Variants in CATSPERB observed in about 807,000 individuals in gnomAD.
The protein encoded by CATSPERB is catsper channel auxiliary subunit beta.
Under a neutral mutation model 128.3 loss-of-function variants are expected in CATSPERB, and 93 were observed. The ratio of observed to expected loss-of-function variants is 0.72; its 90% confidence interval spans 0.61 to 0.86. The LOEUF (loss-of-function observed/expected upper bound fraction) is 0.86. Ranked by LOEUF, CATSPERB falls within the 40% of genes least tolerant of loss-of-function variation. The pLI is 0.00. For missense variants in CATSPERB, 1,153 were observed against 1,329.5 expected (o/e 0.87, Z 2.06); for synonymous variants, 381 against 448.8 (o/e 0.85, Z 1.91).
At chr14:91,656,188 A>C (rs925871891) in intron 15 of CATSPERB, among the ~76,000 whole-genome samples, 1 of 152,176 alleles carries the variant, frequency 6.6e-6, no homozygotes, top group African/African-American at 2.4e-5. Context: ...GCTAAAGGGA[A>C]TACTTCAAGC....
chr14:91,698,613 G>A (rs1222286501), intron 7 of CATSPERB, among the ~76,000 whole-genome samples: 1 of 152,098 alleles, frequency 6.6e-6, no homozygotes, highest in Non-Finnish European at 1.5e-5. Context: ...GGGATGTTAG[G>A]TTTTATCAAA....
At chr14:91,645,773 A>T (rs1479991267) in intron 15 of CATSPERB, among the ~76,000 whole-genome samples, 2 of 146,870 alleles carry the variant, frequency 1.4e-5, no homozygotes, top group African/African-American at 2.5e-5. Flanking sequence ...TTACCTAAGC[A>T]AGCCTGGGCA....
rs962458942 is a variant in CATSPERB, at chr14:91,725,129, A to T, written c.119T>A (p.Phe40Tyr). The change falls in exon 3 of 27, where the codon TTC becomes TAC. Residue 40 changes from phenylalanine to tyrosine, a missense_variant. Phe to Tyr is a conservative substitution (Grantham distance 22). Coordinates refer to ENST00000256343, the MANE Select transcript of CATSPERB (RefSeq NM_024764.4). Reference protein sequence around the residue: ...EKRFACSNKGFPQENEIIKLY... With the variant: ...EKRFACSNKGYPQENEIIKLY... Reference sequence around the variant, plus strand: ...CTTGATTATTTCATTCTCTTGAGGGAACCCTTTGTTAGAACATGCAAAGCG... The same window carrying T: ...CTTGATTATTTCATTCTCTTGAGGGTACCCTTTGTTAGAACATGCAAAGCG... The T allele has an allele frequency of 6.3e-7, 1 of 1,580,868 alleles. No homozygotes were observed. The highest frequency in any genetic ancestry group is 1.8e-5 in the Admixed American group (1 of 55,154).
At chr14:91,622,380 A>G (rs543708568) in intron 18 of CATSPERB, among the ~76,000 whole-genome samples, 2 of 152,334 alleles carry the variant, frequency 1.3e-5, no homozygotes, top group South Asian at 4.1e-4. Flanking sequence ...TGAGTATTTA[A>G]GGAGAATATG....
chr14:91,635,582 T>A (rs1191918852), intron 17 of CATSPERB: 1 of 152,206 alleles, frequency 6.6e-6, no homozygotes. Flanking sequence ...GGTCTCCAAC[T>A]CCTGGTCTCA....
chr14:91,726,348 G>T (rs1206188637), intron 2 of CATSPERB, among the ~76,000 whole-genome samples: 1 of 152,188 alleles, frequency 6.6e-6, no homozygotes, highest in East Asian at 1.9e-4. Flanking sequence ...TCCGGCTCCT[G>T]CACCTGCCCA....
At chr14:91,657,450 T>C in intron 15 of CATSPERB, among the ~76,000 whole-genome samples, 1 of 152,078 alleles carries the variant, frequency 6.6e-6, no homozygotes. Context: ...ATCCACGACA[T>C]TAATCTAGGC....
intron 10 of CATSPERB, among the ~76,000 whole-genome samples, chr14:91,688,773 T>C (rs1895417309): frequency 6.6e-6 from 1 of 152,238 alleles, no homozygotes; most frequent in Non-Finnish European, 1.5e-5. Flanking sequence ...TATGCTGCAC[T>C]TGAAGCTCTT....
chr14:91,639,363 C>T (rs1489314606), intron 15 of CATSPERB, 113 bp from the exon 16 acceptor site: 11 of 800,288 alleles, frequency 1.4e-5, no homozygotes, highest in Non-Finnish European at 1.9e-5. Flanking sequence ...GAAGTAGGGC[C>T]CTGAGACTCC....
chr14:91,585,158 A>G (rs1006812590), intron 26 of CATSPERB, among the ~76,000 whole-genome samples: 7 of 151,990 alleles, frequency 4.6e-5, no homozygotes, highest in South Asian at 2.1e-4. Flanking sequence ...CTGGAACTAC[A>G]GGTGTGTGCC....
chr14:91,698,929 C>T (rs1191121500), intron 7 of CATSPERB, among the ~76,000 whole-genome samples: 1 of 152,184 alleles, frequency 6.6e-6, no homozygotes, highest in East Asian at 1.9e-4. Flanking sequence ...TAGCTTAGCT[C>T]CCACTTATAA....
chr14:91,716,410 C>T (rs1398138625), intron 5 of CATSPERB, among the ~76,000 whole-genome samples: 4 of 152,068 alleles, frequency 2.6e-5, no homozygotes, highest in African/African-American at 7.2e-5. Context: ...AACCCTGTTT[C>T]TACTAAAAAT....
chr14:91,726,383 G>A (rs373712026), intron 2 of CATSPERB, among the ~76,000 whole-genome samples: 1 of 152,148 alleles, frequency 6.6e-6, no homozygotes, highest in Non-Finnish European at 1.5e-5. Context: ...ATCCCGTAAG[G>A]GGTTCGAGTG....
At chr14:91,680,403 C>T (rs1895260359) in intron 11 of CATSPERB, among the ~76,000 whole-genome samples, 2 of 152,184 alleles carry the variant, frequency 1.3e-5, no homozygotes, top group South Asian at 4.1e-4. Flanking sequence ...GCCTAAACAG[C>T]TAAACAAAAT....
At chr14:91,604,561 C>A (rs1465792224) in intron 22 of CATSPERB, 1 of 1,608,958 alleles carries the variant, frequency 6.2e-7, no homozygotes. Flanking sequence ...TTGGCTGGAA[C>A]TGCATGGAGG....
intron 6 of CATSPERB, among the ~76,000 whole-genome samples, chr14:91,705,483 C>T (rs1176199819): frequency 1.3e-5 from 2 of 152,052 alleles, no homozygotes; most frequent in Non-Finnish European, 2.9e-5. Flanking sequence ...ATCTCCAATG[C>T]AGCACAGGCA....
chr14:91,727,900 T>C (rs570531086), intron 2 of CATSPERB, among the ~76,000 whole-genome samples: 2 of 152,302 alleles, frequency 1.3e-5, no homozygotes, highest in South Asian at 2.1e-4. Context: ...TCAAACGTCA[T>C]ATAACTAACA....
chr14:91,621,613 G>A lies in CATSPERB; in HGVS notation c.2255C>T (p.Ala752Val). 1 of 1,565,164 alleles carries A rather than the reference G, an allele frequency of 6.4e-7. No homozygotes were observed. The highest frequency in any genetic ancestry group is 8.6e-7 in the Non-Finnish European group (1 of 1,157,022). Residue 752 changes from alanine to valine, a missense_variant, in exon 19 of 27, where the codon GCA becomes GTA. Coordinates refer to ENST00000256343, the MANE Select transcript of CATSPERB (RefSeq NM_024764.4). ...YVLKAKVIRN[A>V]KGFRMLEIPL... The stretch of plus-strand genomic sequence containing the variant: ...TCCGATCAAAACAAACTTACCTTTT[G>A]CATTCCGTATGACCTTAGCTTTTAA...
intron 3 of CATSPERB, among the ~76,000 whole-genome samples, chr14:91,723,520 A>C (rs1333025383): frequency 6.6e-6 from 1 of 152,202 alleles, no homozygotes; most frequent in Non-Finnish European, 1.5e-5. Flanking sequence ...TATATAAAGC[A>C]AAGCCTATTT....
Sources: gnomAD v4.1 joint callset for allele counts (sites outside exome capture counted in the v4.1 genomes callset) on GRCh38, gnomAD v4.1.1 for gene constraint, MANE v1.5 for transcripts, NCBI Gene and HGNC (gene_info 2026-07-23, HGNC 2026-07-21) for gene names.